The following MERTK variants were observed in gnomAD, a reference collection of about 807,000 sequenced individuals.
The protein encoded by MERTK is MER proto-oncogene, tyrosine kinase.
In MERTK, 69 loss-of-function variants were observed where a neutral mutation model predicts 99.3. That is an observed-to-expected ratio of 0.70 (90% CI 0.57 to 0.85). The LOEUF (loss-of-function observed/expected upper bound fraction) is 0.85. Ranked by LOEUF, MERTK falls within the 40% of genes least tolerant of loss-of-function variation. MERTK has a pLI of 0.00. For synonymous variants in MERTK, 426 were observed against 467.6 expected (o/e 0.91, Z 1.15); for missense variants, 1,125 against 1,249.4 (o/e 0.90, Z 1.50).
chr2:111,915,514 A>T (rs1684334504), intron 1 of MERTK, among the ~76,000 whole-genome samples: 1 of 152,166 alleles, frequency 6.6e-6, no homozygotes, highest in African/African-American at 2.4e-5. Flanking sequence ...CTTTAGCTGT[A>T]TCCCACAAAT....
chr2:111,980,785 T>G (rs1326527659), intron 7 of MERTK, among the ~76,000 whole-genome samples: 1 of 152,202 alleles, frequency 6.6e-6, no homozygotes, highest in African/African-American at 2.4e-5. Context: ...TTTTACTACC[T>G]GGGCCCACAG....
chr2:111,962,846 A>AG (rs1685276967), intron 4 of MERTK, among the ~76,000 whole-genome samples: 1 of 152,144 alleles, frequency 6.6e-6, no homozygotes, highest in African/African-American at 2.4e-5. Context: ...TTGACAGTGA[A>AG]GGGGTGGGTT....
chr2:111,914,284 G>A (rs887231403), intron 1 of MERTK, among the ~76,000 whole-genome samples: 1 of 150,306 alleles, frequency 6.7e-6, no homozygotes, highest in African/African-American at 2.4e-5. Flanking sequence ...TTGTATTTTT[G>A]TTTGTTTGTT....
At chr2:111,947,294 G>C in intron 3 of MERTK, 100 bp from the exon 4 acceptor site, 18 of 452,768 alleles carry the variant, frequency 4.0e-5, no homozygotes, top group Non-Finnish European at 5.6e-5. Flanking sequence ...CACAAAAAAA[G>C]AAATCTATTG....
chr2:111,997,505 C>A, intron 10 of MERTK, 29 bp downstream of exon 10: 1 of 1,610,070 alleles, frequency 6.2e-7, no homozygotes, highest in South Asian at 1.1e-5. Flanking sequence ...AATGTTTGCC[C>A]ACTGGTATTG....
At chr2:111,933,116 A>G (rs1303641064) in intron 2 of MERTK, among the ~76,000 whole-genome samples, 3 of 152,352 alleles carry the variant, frequency 2.0e-5, no homozygotes, top group African/African-American at 7.2e-5. Flanking sequence ...AAATATTTAT[A>G]TAATTTCTTG....
rs780307465 is a variant in MERTK at position 112,021,418 on chromosome 2, G to C, written c.2190-4G>C. The C allele has an allele frequency of 1.2e-6, 2 of 1,612,896 alleles. No homozygotes were observed. The highest frequency in any genetic ancestry group is 1.1e-5 in the South Asian group (1 of 91,034). ...CTGCTGAAGACGTAACCTGCTCTCTGTAGGTTGCGAGATGACATGACTGTC... is the reference window on the plus strand; with the variant it reads ...CTGCTGAAGACGTAACCTGCTCTCTCTAGGTTGCGAGATGACATGACTGTC... On this transcript the variant is annotated splice_polypyrimidine_tract_variant and splice_region_variant and intron_variant, in intron 16 of 18. Transcript: ENST00000295408.
At chr2:111,912,798 C>G (rs868086992) in intron 1 of MERTK, among the ~76,000 whole-genome samples, 3 of 152,136 alleles carry the variant, frequency 2.0e-5, no homozygotes, top group Non-Finnish European at 2.9e-5. Context: ...CACACTGGAG[C>G]CTTCCCTCAG....
intron 7 of MERTK, among the ~76,000 whole-genome samples, chr2:111,981,564 T>C (rs994901798): frequency 6.6e-6 from 1 of 152,204 alleles, no homozygotes; most frequent in African/African-American, 2.4e-5. Context: ...GTCACTATTA[T>C]GCTGCAATGA....
At chr2:111,979,910 T>G (rs1481883726) in intron 7 of MERTK, among the ~76,000 whole-genome samples, 1 of 152,202 alleles carries the variant, frequency 6.6e-6, no homozygotes, top group Non-Finnish European at 1.5e-5. Flanking sequence ...GTCCCTGATA[T>G]TCAGTGGGGA....
At chr2:111,918,057 T>C (rs977943890) in intron 1 of MERTK, among the ~76,000 whole-genome samples, 14 of 152,236 alleles carry the variant, frequency 9.2e-5, no homozygotes, top group African/African-American at 3.1e-4. Context: ...TAATTCCCCA[T>C]TCCCTCTCCC....
chr2:111,923,595 A>G (rs1172908805), intron 1 of MERTK, among the ~76,000 whole-genome samples: 1 of 152,218 alleles, frequency 6.6e-6, no homozygotes, highest in Non-Finnish European at 1.5e-5. Flanking sequence ...TCCAGTCCAC[A>G]TGAGGAAGCA....
intron 4 of MERTK, among the ~76,000 whole-genome samples, chr2:111,954,702 G>A (rs1400812261): frequency 6.6e-6 from 1 of 152,122 alleles, no homozygotes; most frequent in Non-Finnish European, 1.5e-5. Context: ...AGCTGGTCCT[G>A]TAAAATTAAT....
chr2:112,008,737 A>G, intron 14 of MERTK: 1 of 547,344 alleles, frequency 1.8e-6, no homozygotes, highest in Non-Finnish European at 3.3e-6. Context: ...GTGTGAATTA[A>G]ATTGTCCTCA....
At position 111,993,062 on chromosome 2, in the gene MERTK, T is replaced by C. The variant is rs112243120; in HGVS notation, c.1297-1189T>C. 7.6e-3 allele frequency among the ~76,000 whole-genome samples: 1,158 copies of C among 152,228 alleles called. 4 individuals are homozygous for C. Among genetic ancestry groups the C allele is most frequent in the South Asian group, 0.013 (61 of 4,820 alleles). ...TGGTGTCTGCTGTGGAATTGACTGA[T>C]TGGTTTTTGGTAGGGAAAAATTCTC... On this transcript the variant is annotated intron_variant, in intron 8 of 18. Transcript: ENST00000295408.
chr2:112,013,356 A>G (rs1677147734), intron 15 of MERTK: 2 of 154,384 alleles, frequency 1.3e-5, no homozygotes, highest in South Asian at 4.1e-4. Flanking sequence ...TGATTGCATT[A>G]TAGGAAGTCT....
In MERTK at chr2:112,010,085, T is replaced by C; in HGVS notation, c.2079+19T>C. On this transcript the variant is annotated intron_variant, in intron 15 of 18. Coordinates refer to ENST00000295408, the MANE Select transcript of MERTK (RefSeq NM_006343.3). ...ACCAAAGGTAATGATCTCCTTGTGTTACCCCTGAACACTTCTCAGGGCTTA... is the reference window on the plus strand; with the variant it reads ...ACCAAAGGTAATGATCTCCTTGTGTCACCCCTGAACACTTCTCAGGGCTTA... The C allele has an allele frequency of 2.6e-6, 4 of 1,542,456 alleles. No individual in the cohort carries two copies. The highest frequency in any genetic ancestry group is 3.6e-6 in the Non-Finnish European group (4 of 1,115,106).
chr2:111,994,503 A>T (rs966081368), intron 9 of MERTK, 99 bp downstream of exon 9: 2 of 1,525,588 alleles, frequency 1.3e-6, no homozygotes, highest in African/African-American at 2.7e-5. Context: ...TGATTAAAGA[A>T]TGAAAAATAA....
intron 1 of MERTK, among the ~76,000 whole-genome samples, chr2:111,913,673 A>G (rs1355841689): frequency 6.6e-6 from 1 of 152,120 alleles, no homozygotes; most frequent in Admixed American, 6.6e-5. Context: ...CCTCTGGAGT[A>G]GCTGGGATTA....
Sources: allele counts gnomAD v4.1 joint callset (sites outside exome capture counted in the v4.1 genomes callset), GRCh38; gene constraint gnomAD v4.1.1; transcripts MANE v1.5; gene names NCBI Gene and HGNC (gene_info 2026-07-23, HGNC 2026-07-21).